HMX2: variants seen among roughly 807,000 people sequenced by gnomAD.
HMX2 encodes the protein homeobox protein HMX2.
In HMX2, 15 loss-of-function variants were observed where a neutral mutation model predicts 21.2. That is an observed-to-expected ratio of 0.71 (90% CI 0.47 to 1.09). The LOEUF is 1.09. HMX2 is among the 50% of genes least tolerant of loss of function. HMX2 has a pLI of 0.00. For synonymous variants in HMX2, 193 were observed against 181.0 expected (o/e 1.07, Z -0.53); for missense variants, 440 against 381.5 (o/e 1.15, Z -1.28).
At position 123,148,495 on chromosome 10, in the gene HMX2, C is replaced by G. The variant is rs775306568; in HGVS notation, c.117C>G (p.Gly39=). 6.2e-7 allele frequency: 1 copy of G among 1,612,396 alleles called. No individual in the cohort carries two copies. Among genetic ancestry groups the G allele is most frequent in the Non-Finnish European group, 8.5e-7 (1 of 1,179,318 alleles). ...CGGAGGCACCGCGGGAGCCCGTCGG[C>G]TGGCCAGCCAGGAAGCGCAGCCTGT... ...GPSEAPREPV[G]WPARKRSLSV... The change falls in exon 1 of 2, where the codon GGC becomes GGG. Residue 39 remains glycine (G), a synonymous_variant. Coordinates refer to ENST00000339992, the MANE Select transcript of HMX2 (RefSeq NM_005519.2).
rs1184831988 is a variant in HMX2, at chr10:123,149,075, C to T, written c.268+429C>T. ...TCCGTATCTCTGCCTTTCTCTCTCT[C>T]TCCTCCTTGGAATGATTAGCACTCC... On this transcript the variant is annotated intron_variant, in intron 1 of 1. Coordinates refer to ENST00000339992, the MANE Select transcript of HMX2 (RefSeq NM_005519.2). This position sits in a 1 kb window ranked among gnomAD's most constrained non-coding sequence, Gnocchi z 5.4. Among the ~76,000 whole-genome samples, 2 of 152,250 alleles carry T rather than the reference C, an allele frequency of 1.3e-5. No homozygotes were observed. The highest frequency in any genetic ancestry group is 2.9e-5 in the Non-Finnish European group (2 of 68,050).
chr10:123,148,155 G>C lies in HMX2; in HGVS notation c.-224G>C. On this transcript the variant is annotated 5_prime_UTR_variant, in exon 1 of 2. Coordinates refer to ENST00000339992, the MANE Select transcript of HMX2 (RefSeq NM_005519.2). ...GAAGGGGCATTTGCACCGGGGCTGG[G>C]CGGGCGCACCCAGAGCCAGGCGGGC... The C allele has an allele frequency of 1.8e-6, 1 of 559,334 alleles. No homozygotes were observed. The highest frequency in any genetic ancestry group is 3.6e-5 in the Admixed American group (1 of 27,408). 34.6% of individuals were successfully genotyped at this position (559,334 alleles called of 1,614,324 possible). A position where few individuals can be genotyped will look rare whatever the true frequency, so the allele number is the denominator to read the frequency against.
Position 123,149,815 on chromosome 10 carries a change from C to G in HMX2, c.514C>G (p.Arg172Gly). The G allele has an allele frequency of 6.2e-7, 1 of 1,612,122 alleles. No individual in the cohort carries two copies. The highest frequency in any genetic ancestry group is 1.3e-5 in the African/African-American group (1 of 75,008). ...GCTCGAGTCCACCTTCGACATGAAGCGCTACCTGAGCAGCTCGGAGCGCGC... is the reference window on the plus strand; with the variant it reads ...GCTCGAGTCCACCTTCGACATGAAGGGCTACCTGAGCAGCTCGGAGCGCGC... ...YQLESTFDMKRYLSSSERACL... is the reference protein window; with the variant it reads ...YQLESTFDMKGYLSSSERACL... Residue 172 changes from arginine to glycine, a missense_variant, in exon 2 of 2, where the codon CGC (arginine) becomes GGC (glycine). By Grantham distance (125) the Arg-to-Gly change is moderately radical. Transcript: ENST00000339992. This position sits in a 1 kb window ranked among gnomAD's most constrained non-coding sequence, Gnocchi z 5.4.
Position 123,149,889 on chromosome 10 carries a change from G to C in HMX2, c.588G>C (p.Trp196Cys). The C allele has an allele frequency of 1.9e-6, 3 of 1,612,238 alleles. No homozygotes were observed. The highest frequency in any genetic ancestry group is 2.5e-6 in the Non-Finnish European group (3 of 1,179,518). ...LQLTETQVKT[W>C]FQNRRNKWKR... is the part of the protein sequence containing the mutation. ...TCACGGAGACCCAGGTAAAGACTTG[G>C]TTCCAGAACCGCCGCAACAAGTGGA... Residue 196 changes from tryptophan to cysteine, a missense_variant, in exon 2 of 2, where the codon TGG becomes TGC. Transcript: ENST00000339992. This position sits in a 1 kb window ranked among gnomAD's most constrained non-coding sequence, Gnocchi z 5.4.
chr10:123,149,692 C>T lies in HMX2; in HGVS notation c.391C>T (p.Pro131Ser), dbSNP rs1291523368. ...GCTCCTGCCCGCGGGCTCGCCCTCG[C>T]CGGGGTCCGAGCGGCCGCGGGACGG... ...ERLLPAGSPS[P>S]GSERPRDGGA... The change falls in exon 2 of 2, where the codon CCG becomes TCG. Residue 131 changes from proline to serine, a missense_variant. Transcript: ENST00000339992. The surrounding 1 kb of genome is among the most constrained non-coding windows in gnomAD (Gnocchi z 5.4). 1.3e-6 allele frequency: 2 copies of T among 1,568,346 alleles called. No individual in the cohort carries two copies. The highest frequency in any genetic ancestry group is 1.7e-6 in the Non-Finnish European group (2 of 1,162,388).
chr10:123,149,681 G>T lies in HMX2; in HGVS notation c.380G>T (p.Gly127Val), dbSNP rs780791497. Residue 127 changes from glycine to valine, a missense_variant, in exon 2 of 2, where the codon GGC becomes GTC. Coordinates refer to ENST00000339992, the MANE Select transcript of HMX2 (RefSeq NM_005519.2). The surrounding 1 kb of genome is among the most constrained non-coding windows in gnomAD (Gnocchi z 5.4). Reference sequence around the variant, plus strand: ...GAGAAAGAGAGGCTCCTGCCCGCGGGCTCGCCCTCGCCGGGGTCCGAGCGG... The same window carrying T: ...GAGAAAGAGAGGCTCCTGCCCGCGGTCTCGCCCTCGCCGGGGTCCGAGCGG... ...KEEKERLLPAGSPSPGSERPR... is the reference protein window; with the variant it reads ...KEEKERLLPAVSPSPGSERPR... 1.2e-5 allele frequency: 18 copies of T among 1,564,710 alleles called. No homozygotes were observed. Among genetic ancestry groups the T allele is most frequent in the Admixed American group, 2.0e-5 (1 of 51,258 alleles).
chr10:123,148,161 G>A lies in HMX2; in HGVS notation c.-218G>A. ...GCATTTGCACCGGGGCTGGGCGGGC[G>A]CACCCAGAGCCAGGCGGGCAGGAAC... On this transcript the variant is annotated 5_prime_UTR_variant, in exon 1 of 2. Coordinates refer to ENST00000339992, the MANE Select transcript of HMX2 (RefSeq NM_005519.2). 1.8e-6 allele frequency: 1 copy of A among 559,408 alleles called. No individual in the cohort carries two copies. Among genetic ancestry groups the A allele is most frequent in the Non-Finnish European group, 3.1e-6 (1 of 323,916 alleles). The allele number at this position is 559,408 out of a possible 1,614,324, so 34.7% of individuals were successfully genotyped here. A position where few individuals can be genotyped will look rare whatever the true frequency, so the allele number is the denominator to read the frequency against.
In HMX2 at chr10:123,150,395, G is replaced by C. The variant is rs537258980; in HGVS notation, c.*272G>C. On this transcript the variant is annotated 3_prime_UTR_variant, in exon 2 of 2. Coordinates refer to ENST00000339992, the MANE Select transcript of HMX2 (RefSeq NM_005519.2). The surrounding 1 kb of genome is among the most constrained non-coding windows in gnomAD (Gnocchi z 4.2). ...ATTCGGAGTGAGATGTTCTCGGGTG[G>C]TGGTGGGAAAGGGAGTTTTGGCCAG... is the stretch of plus-strand genomic sequence containing the variant. 6.3e-6 allele frequency: 2 copies of C among 315,796 alleles called. No individual in the cohort carries two copies. Among genetic ancestry groups the C allele is most frequent in the African/African-American group, 2.2e-5 (1 of 46,488 alleles). The allele number at this position is 315,796 out of a possible 1,614,324, so 19.6% of individuals were successfully genotyped here.
At position 123,149,966 on chromosome 10, in the gene HMX2, C is replaced by T. The variant is rs145218772; in HGVS notation, c.665C>T (p.Ala222Val). ...GCGGCCAACATGGCGCACGCGTCGG[C>T]GCAGACTCTGGTGAGCATGCCGCTG... ...LEAANMAHASAQTLVSMPLVF... is the reference protein window; with the variant it reads ...LEAANMAHASVQTLVSMPLVF... Residue 222 changes from alanine to valine, a missense_variant, in exon 2 of 2, where the codon GCG becomes GTG. Coordinates refer to ENST00000339992, the MANE Select transcript of HMX2 (RefSeq NM_005519.2). The surrounding 1 kb of genome is among the most constrained non-coding windows in gnomAD (Gnocchi z 5.4). The T allele has an allele frequency of 1.2e-6, 2 of 1,611,860 alleles. No individual in the cohort carries two copies. The highest frequency in any genetic ancestry group is 1.7e-6 in the Non-Finnish European group (2 of 1,179,556).
Position 123,150,299 on chromosome 10 carries a change from G to T in HMX2, c.*176G>T. On this transcript the variant is annotated 3_prime_UTR_variant, in exon 2 of 2. Coordinates refer to ENST00000339992, the MANE Select transcript of HMX2 (RefSeq NM_005519.2). The surrounding 1 kb of genome is among the most constrained non-coding windows in gnomAD (Gnocchi z 4.2). ...CTACTTTTTGTTTTGATTGTTTCGG[G>T]TATTTATTGGCATTCCCTAAGTCAG... The T allele has an allele frequency of 1.8e-6, 1 of 563,946 alleles. No homozygotes were observed. The highest frequency in any genetic ancestry group is 2.9e-6 in the Non-Finnish European group (1 of 339,280). The allele number at this position is 563,946 out of a possible 1,614,324, so 34.9% of individuals were successfully genotyped here.
rs762558295 is a variant in HMX2 at position 123,150,108 on chromosome 10, C to A, written c.807C>A (p.Asn269Lys). The A allele has an allele frequency of 6.4e-7, 1 of 1,564,510 alleles. No individual in the cohort carries two copies. The highest frequency in any genetic ancestry group is 1.8e-5 in the Admixed American group (1 of 56,588). Residue 269 changes from asparagine to lysine, a missense_variant, in exon 2 of 2, where the codon AAC (asparagine) becomes AAA (lysine). Transcript: ENST00000339992. The surrounding 1 kb of genome is among the most constrained non-coding windows in gnomAD (Gnocchi z 4.2). ...LSALPLYNLY[N>K]KLDY ...CCTTACCTCTCTACAACCTATACAA[C>A]AAGCTCGACTACTGACCGGCCCGCC...
chr10:123,149,839 G>T lies in HMX2; in HGVS notation c.538G>T (p.Ala180Ser), dbSNP rs898581836. The stretch of plus-strand genomic sequence containing the variant: ...GCGCTACCTGAGCAGCTCGGAGCGC[G>T]CCTGCCTCGCCTCCAGCCTGCAGCT... The part of the protein sequence containing the change: ...MKRYLSSSER[A>S]CLASSLQLTE... The change falls in exon 2 of 2, where the codon GCC becomes TCC. Residue 180 changes from alanine to serine, a missense_variant. Ala to Ser is a moderately conservative substitution (Grantham distance 99, BLOSUM62 1). Coordinates refer to ENST00000339992, the MANE Select transcript of HMX2 (RefSeq NM_005519.2). This position sits in a 1 kb window ranked among gnomAD's most constrained non-coding sequence, Gnocchi z 5.4. 7.4e-6 allele frequency: 12 copies of T among 1,612,486 alleles called. No individual in the cohort carries two copies. The Admixed American group carries it at 1.0e-4, about 13-fold the overall frequency.
chr10:123,148,490 G>T lies in HMX2; in HGVS notation c.112G>T (p.Val38Phe), dbSNP rs1488697086. The T allele has an allele frequency of 1.9e-6, 3 of 1,612,186 alleles. No individual in the cohort carries two copies. Among genetic ancestry groups the T allele is most frequent in the East Asian group, 2.2e-5 (1 of 44,868 alleles). ...GGPSEAPREP[V>F]GWPARKRSLS... is the part of the protein sequence containing the mutation. ...CCCCTCGGAGGCACCGCGGGAGCCC[G>T]TCGGCTGGCCAGCCAGGAAGCGCAG... Residue 38 changes from valine to phenylalanine, a missense_variant, in exon 1 of 2, where the codon GTC becomes TTC. Transcript: ENST00000339992.
chr10:123,148,498 G>C lies in HMX2; in HGVS notation c.120G>C (p.Trp40Cys), dbSNP rs1844224814. 17 of 1,612,252 alleles carry C rather than the reference G, an allele frequency of 1.1e-5. No homozygotes were observed. The highest frequency in any genetic ancestry group is 1.4e-5 in the Non-Finnish European group (17 of 1,179,332). The stretch of plus-strand genomic sequence containing the variant: ...AGGCACCGCGGGAGCCCGTCGGCTG[G>C]CCAGCCAGGAAGCGCAGCCTGTCCG... ...PSEAPREPVG[W>C]PARKRSLSVS... Residue 40 changes from tryptophan (W) to cysteine (C), a missense_variant, in exon 1 of 2, where the codon TGG (tryptophan) becomes TGC (cysteine). By Grantham distance (215) the Trp-to-Cys change is radical (BLOSUM62 -2). Transcript: ENST00000339992.
At chr10:123,148,863 G>A (rs1171573929) in intron 1 of HMX2, among the ~76,000 whole-genome samples, 1 of 152,170 alleles carries the variant, frequency 6.6e-6, no homozygotes, top group Non-Finnish European at 1.5e-5. Flanking sequence ...TGGGCTTCCT[G>A]GGGAAGGTTG....
At position 123,148,150 on chromosome 10, in the gene HMX2, G is replaced by A; in HGVS notation, c.-229G>A. 2 of 555,544 alleles carry A rather than the reference G, an allele frequency of 3.6e-6. No homozygotes were observed. The highest frequency in any genetic ancestry group is 6.2e-6 in the Non-Finnish European group (2 of 322,120). 34.4% of individuals were successfully genotyped at this position (555,544 alleles called of 1,614,324 possible). A position where few individuals can be genotyped will look rare whatever the true frequency, so the allele number is the denominator to read the frequency against. On this transcript the variant is annotated 5_prime_UTR_variant, in exon 1 of 2. Coordinates refer to ENST00000339992, the MANE Select transcript of HMX2 (RefSeq NM_005519.2). ...GCGAGGAAGGGGCATTTGCACCGGG[G>A]CTGGGCGGGCGCACCCAGAGCCAGG...
Position 123,149,966 on chromosome 10 carries a change from C to G in HMX2, c.665C>G (p.Ala222Gly), listed in dbSNP as rs145218772. Residue 222 changes from alanine to glycine, a missense_variant, in exon 2 of 2, where the codon GCG becomes GGG. By Grantham distance (60) the Ala-to-Gly change is moderately conservative. Transcript: ENST00000339992. The surrounding 1 kb of genome is among the most constrained non-coding windows in gnomAD (Gnocchi z 5.4). ...LEAANMAHAS[A>G]QTLVSMPLVF... ...GCGGCCAACATGGCGCACGCGTCGG[C>G]GCAGACTCTGGTGAGCATGCCGCTG... is the stretch of plus-strand genomic sequence containing the variant. The G allele has an allele frequency of 1.8e-3, 2,949 of 1,611,856 alleles. 56 individuals are homozygous for G. In the African/African-American group the frequency reaches 0.034, roughly 18 times the overall value.
chr10:123,148,983 T>C (rs1392973864), intron 1 of HMX2, among the ~76,000 whole-genome samples: 5 of 152,226 alleles, frequency 3.3e-5, no homozygotes, highest in Non-Finnish European at 7.3e-5. Flanking sequence ...GAGGTGGAGA[T>C]CTGCAAGTCG....
rs201692365 is a variant in HMX2, at chr10:123,149,661, A to C, written c.360A>C (p.Lys120Asn). ...CGCACTCGGACTTTAAAGAAGAGAA[A>C]GAGAGGCTCCTGCCCGCGGGCTCGC... ...SPSHSDFKEE[K>N]ERLLPAGSPS... The change falls in exon 2 of 2, where the codon AAA becomes AAC. Residue 120 changes from lysine to asparagine, a missense_variant. Transcript: ENST00000339992. This position sits in a 1 kb window ranked among gnomAD's most constrained non-coding sequence, Gnocchi z 5.4. The C allele has an allele frequency of 1.6e-4, 249 of 1,561,238 alleles. No individual in the cohort carries two copies. The African/African-American group carries it at 3.1e-3, about 20-fold the overall frequency.
Sources: gnomAD v4.1 joint callset for allele counts (sites outside exome capture counted in the v4.1 genomes callset) on GRCh38, gnomAD v4.1.1 for gene constraint, Gnocchi (gnomAD v3.1) non-coding constraint, MANE v1.5 for transcripts, NCBI Gene and HGNC (gene_info 2026-07-23, HGNC 2026-07-21) for gene names.